Variants in STK10 observed in about 807,000 individuals in gnomAD.
The protein encoded by STK10 is serine/threonine-protein kinase 10.
Under a neutral mutation model 113.8 loss-of-function variants are expected in STK10, and 78 were observed. That is an observed-to-expected ratio of 0.69 (90% CI 0.57 to 0.83). The LOEUF is 0.83. Among genes scored for constraint, STK10 ranks in the 40% least tolerant of loss-of-function variants. The pLI is 0.00. For missense variants in STK10, 1,109 were observed against 1,280.1 expected (o/e 0.87, Z 2.04); for synonymous variants, 465 against 494.7 (o/e 0.94, Z 0.80).
intron 1 of STK10, among the ~76,000 whole-genome samples, chr5:172,170,808 A>T (rs1027498400): frequency 1.3e-5 from 2 of 152,168 alleles, no homozygotes; most frequent in African/African-American, 4.8e-5. Flanking sequence ...GAGGCGTGAA[A>T]GGTGCCCATG....
chr5:172,151,935 T>C (rs10475570), intron 2 of STK10, among the ~76,000 whole-genome samples: 75,494 of 152,180 alleles, frequency 0.5, 19,125 homozygotes, highest in African/African-American at 0.59. Flanking sequence ...TCAGGGCCTG[T>C]GCACTTCTGA....
chr5:172,139,086 G>A (rs36115092), intron 2 of STK10, among the ~76,000 whole-genome samples: 11,834 of 152,194 alleles, frequency 0.078, 624 homozygotes, highest in South Asian at 0.14. Flanking sequence ...TGGACCGGAA[G>A]ACTTAATATT....
chr5:172,133,737 G>T lies in STK10; in HGVS notation c.322-6316C>A, dbSNP rs902498. ...ACGGAGAACAAGCCTGCTCCCTACT[G>T]ACTTTTTAGGCAGAATATGCAAACG... is the stretch of plus-strand genomic sequence containing the variant. On this transcript the variant is annotated intron_variant, in intron 2 of 18. Coordinates refer to ENST00000176763, the MANE Select transcript of STK10 (RefSeq NM_005990.4). The surrounding 1 kb of genome is among the most constrained non-coding windows in gnomAD (Gnocchi z 4.9). Among the ~76,000 whole-genome samples, 1 of 152,132 alleles carries T rather than the reference G, an allele frequency of 6.6e-6. No individual in the cohort carries two copies. The highest frequency in any genetic ancestry group is 1.5e-5 in the Non-Finnish European group (1 of 68,028).
chr5:172,178,954 C>G (rs1338313801), intron 1 of STK10, among the ~76,000 whole-genome samples: 1 of 152,242 alleles, frequency 6.6e-6, no homozygotes, highest in East Asian at 1.9e-4. Flanking sequence ...TGTGGAACAC[C>G]CTATAATGTA....
intron 4 of STK10, among the ~76,000 whole-genome samples, chr5:172,109,471 G>A (rs1412405630): frequency 2.6e-5 from 4 of 151,632 alleles, no homozygotes; most frequent in Admixed American, 6.6e-5. Context: ...CACCACACCC[G>A]GCTAATTTTT....
chr5:172,094,962 T>C (rs975035557), intron 8 of STK10, among the ~76,000 whole-genome samples: 3 of 152,280 alleles, frequency 2.0e-5, no homozygotes, highest in South Asian at 2.1e-4. Context: ...ACTTGGTGAA[T>C]AGAGTGAGTA....
At chr5:172,150,047 C>CAAA (rs35745235) in intron 2 of STK10, among the ~76,000 whole-genome samples, 58 of 87,072 alleles carry the variant, frequency 6.7e-4, no homozygotes, top group Middle Eastern at 7.2e-3. Context: ...AACTTTGTCT[C>CAAA]AAAAAAAAAA....
chr5:172,054,338 G>T (rs190346694), intron 17 of STK10, among the ~76,000 whole-genome samples: 12 of 152,334 alleles, frequency 7.9e-5, no homozygotes, highest in Admixed American at 7.8e-4. Context: ...AGCAGGAATG[G>T]TCATCCCCAT....
At chr5:172,164,215 A>AT (rs1337241536) in intron 1 of STK10, among the ~76,000 whole-genome samples, 6 of 148,982 alleles carry the variant, frequency 4.0e-5, no homozygotes, top group African/African-American at 1.2e-4. Flanking sequence ...TCCATCTAAA[A>AT]AAAAAAAAAA....
intron 2 of STK10, among the ~76,000 whole-genome samples, chr5:172,151,011 G>A (rs762785934): frequency 6.6e-6 from 1 of 152,208 alleles, no homozygotes; most frequent in South Asian, 2.1e-4. Context: ...TCTCCCCAGT[G>A]CATATCTACC....
chr5:172,076,777 G>A (rs1768318458), intron 12 of STK10, among the ~76,000 whole-genome samples: 1 of 152,216 alleles, frequency 6.6e-6, no homozygotes, highest in South Asian at 2.1e-4. Flanking sequence ...GCATCTGGCT[G>A]TGGTGTCTGC....
At chr5:172,161,344 T>C (rs1012751217) in intron 1 of STK10, among the ~76,000 whole-genome samples, 1 of 151,876 alleles carries the variant, frequency 6.6e-6, no homozygotes, top group Non-Finnish European at 1.5e-5. Context: ...TCCCAACTAC[T>C]CGGGAGGCTG....
chr5:172,131,688 G>A (rs1769760338), intron 2 of STK10, among the ~76,000 whole-genome samples: 1 of 152,150 alleles, frequency 6.6e-6, no homozygotes, highest in Non-Finnish European at 1.5e-5. Flanking sequence ...TGGCAGGAGG[G>A]CTACAGGGGA....
chr5:172,112,890 G>A (rs1488364588), intron 4 of STK10, among the ~76,000 whole-genome samples: 1 of 151,924 alleles, frequency 6.6e-6, no homozygotes, highest in Non-Finnish European at 1.5e-5. Flanking sequence ...GGGATTACAG[G>A]CATGCGCCAC....
At chr5:172,180,455 A>G (rs1466277014) in intron 1 of STK10, among the ~76,000 whole-genome samples, 2 of 151,828 alleles carry the variant, frequency 1.3e-5, no homozygotes, top group East Asian at 3.9e-4. Context: ...ACAGAGCAAG[A>G]CTTCGTCTCA....
At chr5:172,150,062 A>AAG (rs1561826823) in intron 2 of STK10, among the ~76,000 whole-genome samples, 2 of 150,112 alleles carry the variant, frequency 1.3e-5, no homozygotes, top group East Asian at 2.0e-4. Context: ...AAAAAAAAAA[A>AAG]AAAAAGAAAG....
chr5:172,152,469 G>A (rs1041267009), intron 2 of STK10, among the ~76,000 whole-genome samples: 3 of 152,150 alleles, frequency 2.0e-5, no homozygotes, highest in South Asian at 2.1e-4. Context: ...GGACATTCAC[G>A]AGGTCAGCCC....
chr5:172,091,440 T>A (rs1768703049), intron 9 of STK10, among the ~76,000 whole-genome samples: 1 of 152,022 alleles, frequency 6.6e-6, no homozygotes, highest in Admixed American at 6.6e-5. Context: ...CGTGGTACCC[T>A]CTGGAAGTTC....
At chr5:172,140,199 C>T (rs1769945179) in intron 2 of STK10, among the ~76,000 whole-genome samples, 1 of 152,164 alleles carries the variant, frequency 6.6e-6, no homozygotes, top group Non-Finnish European at 1.5e-5. Context: ...CTCAACATCA[C>T]TAATCATCAC....
Sources: gnomAD v4.1 joint callset for allele counts (sites outside exome capture counted in the v4.1 genomes callset) on GRCh38, gnomAD v4.1.1 for gene constraint, Gnocchi (gnomAD v3.1) non-coding constraint, MANE v1.5 for transcripts, NCBI Gene and HGNC (gene_info 2026-07-23, HGNC 2026-07-21) for gene names.